Variants in AGAP1 observed in about 807,000 individuals in gnomAD.
AGAP1 encodes ArfGAP with GTPase domain, ankyrin repeat and PH domain 1, also known as arf-GAP with GTPase, ANK repeat and PH domain-containing protein 1.
A neutral mutation model predicts 105.3 loss-of-function variants in AGAP1; 29 were observed. The ratio of observed to expected loss-of-function variants is 0.28; its 90% CI spans 0.21 to 0.38. AGAP1 has a LOEUF of 0.38. AGAP1 is among the 10% of genes least tolerant of loss of function. AGAP1 has a pLI of 1.00. For synonymous variants in AGAP1, 509 were observed against 485.9 expected (o/e 1.05, Z -0.63); for missense variants, 998 against 1,165.1 (o/e 0.86, Z 2.09).
At chr2:235,561,182 T>A (rs553710837) in intron 1 of AGAP1, among the ~76,000 whole-genome samples, 1 of 152,174 alleles carries the variant, frequency 6.6e-6, no homozygotes, top group Non-Finnish European at 1.5e-5. Context: ...AGTTTCTGCT[T>A]CACTGTGGGA....
chr2:235,548,779 T>C (rs1943709781), intron 1 of AGAP1, among the ~76,000 whole-genome samples: 1 of 152,170 alleles, frequency 6.6e-6, no homozygotes, highest in Non-Finnish European at 1.5e-5. Context: ...TATCTGCTCA[T>C]GTGAGAGTGC....
chr2:236,013,054 T>G lies in AGAP1; in HGVS notation c.1646-23507T>G, dbSNP rs144376288. Among the ~76,000 whole-genome samples the G allele has an allele frequency of 7.3e-3, 1,116 of 152,326 alleles. 11 individuals carry two copies. The highest frequency in any genetic ancestry group is 0.025 in the African/African-American group (1,059 of 41,566). On this transcript the variant is annotated intron_variant, in intron 13 of 17. Transcript: ENST00000304032. ...GAGGACCTGGCCTATTTGTTGATTTTCACACTGCAAAGGAATTGTTAGATG... is the reference window on the plus strand; with the variant it reads ...GAGGACCTGGCCTATTTGTTGATTTGCACACTGCAAAGGAATTGTTAGATG...
Position 235,525,443 on chromosome 2 carries a change from T to TGTGGAGGACTGATACATAAC in AGAP1, c.163+30634_163+30653dup, listed in dbSNP as rs1276202108. 4.7e-3 allele frequency among the ~76,000 whole-genome samples: 673 copies of TGTGGAGGACTGATACATAAC among 143,062 alleles called. 2 individuals are homozygous for TGTGGAGGACTGATACATAAC. The highest frequency in any genetic ancestry group is 7.8e-3 in the Non-Finnish European group (511 of 65,602). 93.9% of individuals were successfully genotyped at this position (143,062 alleles called of 152,430 possible). On this transcript the variant is annotated intron_variant, in intron 1 of 17. Coordinates refer to ENST00000304032, the MANE Select transcript of AGAP1 (RefSeq NM_001037131.3). ...TATAAAGTAGAGGACTGATACATAA[T>TGTGGAGGACTGATACATAAC]GTGGAGGACTGATACATAACGTGGA...
At chr2:236,079,558 AC>A (rs35504962) in intron 16 of AGAP1, among the ~76,000 whole-genome samples, 17,695 of 151,142 alleles carry the variant, frequency 0.12, 1,807 homozygotes, top group African/African-American at 0.27. Context: ...ATATATACAC[AC>A]ACACACACAC....
rs1019798606 is a variant in AGAP1 at position 235,621,961 on chromosome 2, ACT to A, written c.164-87215_164-87214del. ...GGATGTTTCTGACGGCCTCTTACAG[ACT>A]CTGTCCTTTTTGTTGTAGCTGATGG... On this transcript the variant is annotated intron_variant, in intron 1 of 17. Coordinates refer to ENST00000304032, the MANE Select transcript of AGAP1 (RefSeq NM_001037131.3). The surrounding 1 kb of genome is among the most constrained non-coding windows in gnomAD (Gnocchi z 4.1). Among the ~76,000 whole-genome samples, 2 of 151,668 alleles carry A rather than the reference ACT, an allele frequency of 1.3e-5. No individual in the cohort carries two copies. The highest frequency in any genetic ancestry group is 6.6e-5 in the Admixed American group (1 of 15,242).
rs1953300147 is a variant in AGAP1 at position 235,750,023 on chromosome 2, GGCCT to G, written c.539-328_539-325del. 1.3e-5 allele frequency among the ~76,000 whole-genome samples: 2 copies of G among 152,230 alleles called. No individual in the cohort carries two copies. Among genetic ancestry groups the G allele is most frequent in the South Asian group, 4.1e-4 (2 of 4,826 alleles). ...GCCACCTGCGTGGTGCACAGAAGGG[GGCCT>G]GCACATAGGGACTGTGTGTGTGGTT... is the stretch of plus-strand genomic sequence containing the variant. On this transcript the variant is annotated intron_variant, in intron 5 of 17. Transcript: ENST00000304032. This position sits in a 1 kb window ranked among gnomAD's most constrained non-coding sequence, Gnocchi z 5.3.
intron 1 of AGAP1, among the ~76,000 whole-genome samples, chr2:235,495,430 G>A (rs1336979353): frequency 6.6e-6 from 1 of 152,254 alleles, no homozygotes; most frequent in Non-Finnish European, 1.5e-5. Flanking sequence ...GCTGGAACCG[G>A]TAGTGTGCTT....
chr2:235,919,557 C>T lies in AGAP1; in HGVS notation c.1324+10651C>T, dbSNP rs1210638925. On this transcript the variant is annotated intron_variant, in intron 11 of 17. Transcript: ENST00000304032. The surrounding 1 kb of genome is among the most constrained non-coding windows in gnomAD (Gnocchi z 4.1). ...CAGTTGTGAGATCATTTTGTAAGAACTGGAAAGCAGAGAAAGAAGTAGTAG... is the reference window on the plus strand; with the variant it reads ...CAGTTGTGAGATCATTTTGTAAGAATTGGAAAGCAGAGAAAGAAGTAGTAG... 1.3e-5 allele frequency among the ~76,000 whole-genome samples: 2 copies of T among 152,136 alleles called. No homozygotes were observed. Among genetic ancestry groups the T allele is most frequent in the African/African-American group, 2.4e-5 (1 of 41,432 alleles).
intron 3 of AGAP1, among the ~76,000 whole-genome samples, chr2:235,735,441 C>T (rs540497725): frequency 1.3e-3 from 191 of 152,296 alleles, no homozygotes; most frequent in Non-Finnish European, 2.3e-3. Flanking sequence ...AGCTCAACCT[C>T]GCGTGAGTGC....
intron 13 of AGAP1, among the ~76,000 whole-genome samples, chr2:236,028,532 A>G (rs2057126228): frequency 6.6e-6 from 1 of 152,146 alleles, no homozygotes; most frequent in Admixed American, 6.6e-5. Flanking sequence ...TTTGTTTGCT[A>G]GTGTACATTT....
At chr2:236,049,310 C>G in intron 16 of AGAP1, 29 bp downstream of exon 16, 1 of 1,592,084 alleles carries the variant, frequency 6.3e-7, no homozygotes, top group Non-Finnish European at 8.6e-7. Context: ...GCCTGGCTCC[C>G]GACACGTTTG....
chr2:235,788,313 C>G lies in AGAP1; in HGVS notation c.674-9446C>G, dbSNP rs1956771635. On this transcript the variant is annotated intron_variant, in intron 6 of 17. Coordinates refer to ENST00000304032, the MANE Select transcript of AGAP1 (RefSeq NM_001037131.3). This position sits in a 1 kb window ranked among gnomAD's most constrained non-coding sequence, Gnocchi z 6.0. ...CTAATCCCTAAGGATAGGAAAAGAC[C>G]TAGAAGATTTGAGGATTTTAATTCA... is the stretch of plus-strand genomic sequence containing the variant. 6.6e-6 allele frequency among the ~76,000 whole-genome samples: 1 copy of G among 152,094 alleles called. No individual in the cohort carries two copies. Among genetic ancestry groups the G allele is most frequent in the Non-Finnish European group, 1.5e-5 (1 of 68,022 alleles).
rs376401700 is a variant in AGAP1, at chr2:235,936,801, G to A, written c.1483+5878G>A. Among the ~76,000 whole-genome samples, 116 of 152,182 alleles carry A rather than the reference G, an allele frequency of 7.6e-4. No homozygotes were observed. Among genetic ancestry groups the A allele is most frequent in the Non-Finnish European group, 1.3e-3 (87 of 68,000 alleles). On this transcript the variant is annotated intron_variant, in intron 12 of 17. Transcript: ENST00000304032. The surrounding 1 kb of genome is among the most constrained non-coding windows in gnomAD (Gnocchi z 4.7). ...GTTGTGACCTTCATGCCTAACACTC[G>A]TTTCCCTGGGGATCATCATCTCTGA...
chr2:235,796,310 G>C (rs1183633497), intron 6 of AGAP1, among the ~76,000 whole-genome samples: 1 of 152,154 alleles, frequency 6.6e-6, no homozygotes, highest in Non-Finnish European at 1.5e-5. Context: ...TTTTATTTTT[G>C]AGTTCACATA....
chr2:235,972,396 C>G (rs1362754481), intron 13 of AGAP1, among the ~76,000 whole-genome samples: 1 of 152,206 alleles, frequency 6.6e-6, no homozygotes, highest in Non-Finnish European at 1.5e-5. Flanking sequence ...TTAAACTCAG[C>G]TGATGAATCT....
intron 1 of AGAP1, among the ~76,000 whole-genome samples, chr2:235,673,511 C>A (rs1228017428): frequency 6.6e-6 from 1 of 152,110 alleles, no homozygotes; most frequent in Non-Finnish European, 1.5e-5. Context: ...TTTAGTAACA[C>A]ACTAGTATTT....
In AGAP1 at chr2:236,078,441, G is replaced by A. The variant is rs112597650; in HGVS notation, c.2114+29160G>A. ...GTTGTGTGTGATGAAATCACTGGCCGCCGTGGCCTGGCCAGGTTGACATGT... is the reference window on the plus strand; with the variant it reads ...GTTGTGTGTGATGAAATCACTGGCCACCGTGGCCTGGCCAGGTTGACATGT... On this transcript the variant is annotated intron_variant, in intron 16 of 17. Coordinates refer to ENST00000304032, the MANE Select transcript of AGAP1 (RefSeq NM_001037131.3). The surrounding 1 kb of genome is among the most constrained non-coding windows in gnomAD (Gnocchi z 5.3). Among the ~76,000 whole-genome samples, 3 of 152,136 alleles carry A rather than the reference G, an allele frequency of 2.0e-5. No individual in the cohort carries two copies. Among genetic ancestry groups the A allele is most frequent in the South Asian group, 2.1e-4 (1 of 4,828 alleles).
chr2:235,670,292 G>A (rs1027365168), intron 1 of AGAP1: 20 of 442,312 alleles, frequency 4.5e-5, no homozygotes, highest in African/African-American at 4.0e-4. Context: ...CTCCCCGGAC[G>A]CGCCCGGGAG....
chr2:235,943,610 A>T (rs2053363492), intron 12 of AGAP1, among the ~76,000 whole-genome samples: 1 of 152,182 alleles, frequency 6.6e-6, no homozygotes, highest in African/African-American at 2.4e-5. Flanking sequence ...TCGGCCTCCC[A>T]AAGTGCTGGG....
Sources: gnomAD v4.1 joint callset for allele counts (sites outside exome capture counted in the v4.1 genomes callset) on GRCh38, gnomAD v4.1.1 for gene constraint, Gnocchi (gnomAD v3.1) non-coding constraint, MANE v1.5 for transcripts, NCBI Gene and HGNC (gene_info 2026-07-23, HGNC 2026-07-21) for gene names.